NRG3: variants seen among roughly 807,000 people sequenced by gnomAD.
The protein encoded by NRG3 is neuregulin 3, also known as pro-neuregulin-3, membrane-bound isoform.
A neutral mutation model predicts 66.9 loss-of-function variants in NRG3; 31 were observed. The ratio of observed to expected loss-of-function variants is 0.46; its 90% CI spans 0.35 to 0.63. NRG3 has a LOEUF of 0.63. Ranked by LOEUF, NRG3 falls within the 20% of genes least tolerant of loss-of-function variation. The pLI is 0.00. For synonymous variants in NRG3, 393 were observed against 359.4 expected (o/e 1.09, Z -1.06); for missense variants, 910 against 878.9 (o/e 1.04, Z -0.45).
chr10:82,962,855 A>T (rs1225596158), intron 6 of NRG3, among the ~76,000 whole-genome samples: 1 of 152,124 alleles, frequency 6.6e-6, no homozygotes, highest in African/African-American at 2.4e-5. Context: ...AACAAACAAA[A>T]AAAACAAAAC....
At chr10:82,904,877 T>C (rs2131912830) in intron 4 of NRG3, among the ~76,000 whole-genome samples, 1 of 152,260 alleles carries the variant, frequency 6.6e-6, no homozygotes, top group African/African-American at 2.4e-5. Context: ...TAGATGGAAC[T>C]GATTGAGCAC....
chr10:81,973,570 G>A (rs903460021), intron 1 of NRG3, among the ~76,000 whole-genome samples: 2 of 151,950 alleles, frequency 1.3e-5, no homozygotes, highest in Admixed American at 6.6e-5. Context: ...GACAGCATCT[G>A]TTATTTTTTT....
In NRG3 at chr10:82,985,180, A is replaced by G. The variant is rs1453586782; in HGVS notation, c.1666A>G (p.Asn556Asp). The change falls in exon 9 of 9, where the codon AAT (asparagine) becomes GAT (aspartate). Residue 556 changes from asparagine to aspartate, a missense_variant. Physicochemically the swap from Asn to Asp is conservative, Grantham distance 23. Coordinates refer to ENST00000372141, the MANE Select transcript of NRG3 (RefSeq NM_001010848.4). The stretch of plus-strand genomic sequence containing the variant: ...TTCAAGAGAGACAAACCCCTATTTT[A>G]ATAGCTTGGAGCAAAAGGACCTGGT... ...LPSRETNPYF[N>D]SLEQKDLVGY... 12 of 1,614,026 alleles carry G rather than the reference A, an allele frequency of 7.4e-6. No individual in the cohort carries two copies. Among genetic ancestry groups the G allele is most frequent in the Non-Finnish European group, 9.3e-6 (11 of 1,180,012 alleles).
intron 2 of NRG3, among the ~76,000 whole-genome samples, chr10:82,611,700 G>C (rs1361661833): frequency 1.3e-5 from 2 of 152,122 alleles, no homozygotes; most frequent in East Asian, 3.8e-4. Flanking sequence ...CCAAGTCTTT[G>C]CTATTGTGAA....
intron 1 of NRG3, among the ~76,000 whole-genome samples, chr10:82,130,919 C>T (rs1406024798): frequency 6.6e-6 from 1 of 152,068 alleles, no homozygotes; most frequent in Non-Finnish European, 1.5e-5. Flanking sequence ...GTTGTTTGAG[C>T]TCCTTATGTA....
intron 1 of NRG3, among the ~76,000 whole-genome samples, chr10:82,226,046 A>G (rs938130469): frequency 6.6e-6 from 1 of 152,072 alleles, no homozygotes; most frequent in Non-Finnish European, 1.5e-5. Flanking sequence ...AAACAATACT[A>G]TTTCTAATTT....
chr10:82,981,293 T>G (rs1852866225), intron 8 of NRG3, among the ~76,000 whole-genome samples: 1 of 152,240 alleles, frequency 6.6e-6, no homozygotes, highest in African/African-American at 2.4e-5. Context: ...TTCTCTCCAG[T>G]TGCCTGGCCA....
chr10:82,797,170 C>G (rs1201647420), intron 3 of NRG3, among the ~76,000 whole-genome samples: 1 of 152,142 alleles, frequency 6.6e-6, no homozygotes, highest in Non-Finnish European at 1.5e-5. Context: ...GCTCTGGACT[C>G]TGGAAGATGT....
chr10:82,529,580 A>T (rs1386581173), intron 2 of NRG3, among the ~76,000 whole-genome samples: 1 of 152,192 alleles, frequency 6.6e-6, no homozygotes, highest in Non-Finnish European at 1.5e-5. Context: ...AGCTCAAATA[A>T]ACAGAAGTGC....
At chr10:82,013,293 T>C (rs1457370489) in intron 1 of NRG3, among the ~76,000 whole-genome samples, 1 of 152,094 alleles carries the variant, frequency 6.6e-6, no homozygotes, top group African/African-American at 2.4e-5. Flanking sequence ...GAGAACAGTA[T>C]GGGGGAAACC....
chr10:82,662,520 T>C (rs2052446110), intron 2 of NRG3, among the ~76,000 whole-genome samples: 1 of 152,126 alleles, frequency 6.6e-6, no homozygotes, highest in South Asian at 2.1e-4. Flanking sequence ...AGGAAACAAC[T>C]TCAGCCCTCA....
At chr10:82,493,056 G>T (rs564049990) in intron 2 of NRG3, among the ~76,000 whole-genome samples, 3 of 152,214 alleles carry the variant, frequency 2.0e-5, no homozygotes, top group Admixed American at 6.5e-5. Context: ...TGGAACAAGC[G>T]CAGTCCAGGT....
chr10:82,279,933 G>T (rs189752196), intron 1 of NRG3, among the ~76,000 whole-genome samples: 71 of 152,254 alleles, frequency 4.7e-4, no homozygotes, highest in Admixed American at 1.7e-3. Flanking sequence ...CTTAGCTATT[G>T]AATCTACTTT....
intron 2 of NRG3, among the ~76,000 whole-genome samples, chr10:82,626,517 A>G (rs1343921921): frequency 6.6e-6 from 1 of 152,148 alleles, no homozygotes; most frequent in Admixed American, 6.6e-5. Context: ...AGTCAAAAGG[A>G]AATAAACCCA....
chr10:82,846,075 T>A (rs1056290744), intron 3 of NRG3, among the ~76,000 whole-genome samples: 7 of 152,138 alleles, frequency 4.6e-5, no homozygotes, highest in South Asian at 2.1e-4. Flanking sequence ...GAGATGAATG[T>A]CCTCCTAGTA....
chr10:82,609,568 G>A (rs2048178398), intron 2 of NRG3, among the ~76,000 whole-genome samples: 1 of 149,808 alleles, frequency 6.7e-6, no homozygotes, highest in Non-Finnish European at 1.5e-5. Flanking sequence ...AAGTTATATT[G>A]TGCCAACAGA....
chr10:82,614,909 A>C (rs1393623636), intron 2 of NRG3, among the ~76,000 whole-genome samples: 2 of 152,010 alleles, frequency 1.3e-5, no homozygotes, highest in African/African-American at 2.4e-5. Context: ...AAAAAAAAAA[A>C]CCTAGGTGAT....
In NRG3 at chr10:82,534,267, G is replaced by GTT. The variant is rs60425988; in HGVS notation, c.953+175410_953+175411dup. Among the ~76,000 whole-genome samples, 51 of 141,896 alleles carry GTT rather than the reference G, an allele frequency of 3.6e-4. 1 individual carries two copies. Among genetic ancestry groups the GTT allele is most frequent in the South Asian group, 1.3e-3 (6 of 4,476 alleles). The allele number at this position is 141,896 out of a possible 152,430, so 93.1% of individuals were successfully genotyped here. On this transcript the variant is annotated intron_variant, in intron 2 of 8. Coordinates refer to ENST00000372141, the MANE Select transcript of NRG3 (RefSeq NM_001010848.4). ...TACCAGTAATAGAAAAATCCATTTT[G>GTT]TTTTTTTTTTTTGAGACAGAGTATC... is the stretch of plus-strand genomic sequence containing the variant.
intron 2 of NRG3, among the ~76,000 whole-genome samples, chr10:82,703,903 C>A (rs1193755240): frequency 6.6e-6 from 1 of 152,036 alleles, no homozygotes; most frequent in Non-Finnish European, 1.5e-5. Flanking sequence ...TACTGTTATT[C>A]ATCGGGGAAG....
Sources: allele counts gnomAD v4.1 joint callset (sites outside exome capture counted in the v4.1 genomes callset), GRCh38; gene constraint gnomAD v4.1.1; transcripts MANE v1.5; gene names NCBI Gene and HGNC (gene_info 2026-07-23, HGNC 2026-07-21).